The following OSBPL9 variants were observed in gnomAD, a reference collection of about 807,000 sequenced individuals.
OSBPL9 encodes the protein oxysterol binding protein like 9, also known as oxysterol-binding protein-related protein 9.
OSBPL9 carries 40 observed loss-of-function variants against 106.6 expected under a neutral mutation model. The observed-to-expected ratio is 0.38, with a 90% CI of 0.29 to 0.49. OSBPL9 has a LOEUF of 0.49. Ranked by LOEUF, OSBPL9 falls within the 20% of genes least tolerant of loss-of-function variation. OSBPL9 has a pLI of 0.97. For synonymous variants in OSBPL9, 269 were observed against 295.4 expected (o/e 0.91, Z 0.92); for missense variants, 609 against 887.2 (o/e 0.69, Z 3.98).
At chr1:51,698,697 G>T (rs923007657) in intron 3 of OSBPL9, among the ~76,000 whole-genome samples, 2 of 152,126 alleles carry the variant, frequency 1.3e-5, no homozygotes, top group Middle Eastern at 3.2e-3. Context: ...AAGGGAAGAG[G>T]AGTTAACTTT....
intron 3 of OSBPL9, among the ~76,000 whole-genome samples, chr1:51,679,862 T>C (rs1276711959): frequency 6.6e-6 from 1 of 152,212 alleles, no homozygotes; most frequent in Middle Eastern, 3.2e-3. Context: ...TATTATTAGT[T>C]GTTAATCTTA....
chr1:51,702,296 C>G (rs1458221980), intron 3 of OSBPL9, among the ~76,000 whole-genome samples: 1 of 152,190 alleles, frequency 6.6e-6, no homozygotes, highest in African/African-American at 2.4e-5. Flanking sequence ...TCTCCACATC[C>G]TCTCCAGCAC....
chr1:51,723,079 G>A (rs1227376949), intron 4 of OSBPL9, among the ~76,000 whole-genome samples: 1 of 152,206 alleles, frequency 6.6e-6, no homozygotes, highest in African/African-American at 2.4e-5. Context: ...CCCTACGCAT[G>A]TGCGGCCTCC....
chr1:51,626,207 G>A (rs976484886), intron 1 of OSBPL9, among the ~76,000 whole-genome samples: 11 of 152,250 alleles, frequency 7.2e-5, no homozygotes, highest in African/African-American at 2.6e-4. Context: ...CATTTGGTGG[G>A]AACACTCTCA....
intron 12 of OSBPL9, 83 bp downstream of exon 12, chr1:51,766,064 A>G (rs1672491323): frequency 3.0e-6 from 4 of 1,317,698 alleles, no homozygotes; most frequent in Non-Finnish European, 4.1e-6. Context: ...AGTGTTAATG[A>G]CAGACTTGCC....
intron 2 of OSBPL9, among the ~76,000 whole-genome samples, chr1:51,602,936 A>G (rs560223564): frequency 2.0e-5 from 3 of 152,344 alleles, no homozygotes; most frequent in African/African-American, 7.2e-5. Flanking sequence ...CAGGAGGATC[A>G]CTTGAGCTTA....
intron 1 of OSBPL9, among the ~76,000 whole-genome samples, chr1:51,579,445 G>A (rs1431330307): frequency 6.6e-6 from 1 of 152,154 alleles, no homozygotes; most frequent in African/African-American, 2.4e-5. Flanking sequence ...CATTAGAAAT[G>A]CTTATTTAGA....
chr1:51,745,455 T>C (rs1003815455), intron 4 of OSBPL9, 81 bp from the exon 5 acceptor site: 5 of 1,537,682 alleles, frequency 3.3e-6, no homozygotes, highest in Non-Finnish European at 4.4e-6. Context: ...AATGTCTTCA[T>C]GTATGAAGGG....
At chr1:51,656,737 A>G (rs995736211) in intron 2 of OSBPL9, among the ~76,000 whole-genome samples, 2 of 149,662 alleles carry the variant, frequency 1.3e-5, no homozygotes, top group African/African-American at 2.5e-5. Context: ...ATAGCTCACT[A>G]CATCCCCAAA....
chr1:51,659,913 C>G lies in OSBPL9; in HGVS notation c.162+7872C>G, dbSNP rs189975277. 2.7e-3 allele frequency among the ~76,000 whole-genome samples: 406 copies of G among 152,116 alleles called. 1 individual carries two copies. Among genetic ancestry groups the G allele is most frequent in the African/African-American group, 9.3e-3 (385 of 41,524 alleles). ...GAATAAGGAGTTGGTGGACTTGCCA[C>G]TCCAGATATTAAGTTTTTAACTGAA... On this transcript the variant is annotated intron_variant, in intron 2 of 23. Transcript: ENST00000428468.
At chr1:51,728,713 T>C (rs1663598864) in intron 4 of OSBPL9, among the ~76,000 whole-genome samples, 1 of 152,118 alleles carries the variant, frequency 6.6e-6, no homozygotes, top group African/African-American at 2.4e-5. Context: ...CTTTTTTTGT[T>C]GTTTTTGGGG....
At chr1:51,642,381 CTTAA>C (rs998927178) in intron 1 of OSBPL9, among the ~76,000 whole-genome samples, 23 of 152,054 alleles carry the variant, frequency 1.5e-4, no homozygotes, top group African/African-American at 5.6e-4. Flanking sequence ...TTGGCAGGCT[CTTAA>C]TTATTTATCT....
chr1:51,567,646 A>G, the OSBPL9 span: 1 of 152,244 alleles, frequency 6.6e-6, no homozygotes, highest in Non-Finnish European at 1.5e-5. Context: ...AACCTGTAAA[A>G]TGGAGATGAC....
At chr1:51,768,203 AG>A (rs1233284643) in intron 12 of OSBPL9, among the ~76,000 whole-genome samples, 1 of 151,736 alleles carries the variant, frequency 6.6e-6, no homozygotes, top group African/African-American at 2.4e-5. Context: ...GGCCTCCCAA[AG>A]TGCTGGGATT....
At chr1:51,731,309 G>T (rs1053241891) in intron 4 of OSBPL9, among the ~76,000 whole-genome samples, 2 of 151,980 alleles carry the variant, frequency 1.3e-5, no homozygotes, top group African/African-American at 4.8e-5. Context: ...TGAGCTGAGC[G>T]TGGTGGTGAT....
chr1:51,525,320 A>AGCCT, the OSBPL9 span, among the ~76,000 whole-genome samples: 1 of 152,210 alleles, frequency 6.6e-6, no homozygotes, highest in Non-Finnish European at 1.5e-5. Context: ...AGTGTGAGAG[A>AGCCT]GCCTGGTTCA....
the OSBPL9 span, among the ~76,000 whole-genome samples, chr1:51,531,103 G>T: frequency 6.6e-6 from 1 of 150,898 alleles, no homozygotes; most frequent in Admixed American, 6.6e-5. Context: ...ATGAAAACCT[G>T]CCTCTACTAT....
intron 1 of OSBPL9, among the ~76,000 whole-genome samples, chr1:51,650,043 T>C (rs1646418047): frequency 6.6e-6 from 1 of 151,874 alleles, no homozygotes. Flanking sequence ...ACCTAGCTAA[T>C]ATTTTGTATT....
At chr1:51,756,641 A>G in intron 9 of OSBPL9, 1 of 332,090 alleles carries the variant, frequency 3.0e-6, no homozygotes, top group Non-Finnish European at 5.6e-6. Flanking sequence ...TTACAATTAA[A>G]TAATGCATAA....
Sources: allele counts gnomAD v4.1 joint callset (sites outside exome capture counted in the v4.1 genomes callset), GRCh38; gene constraint gnomAD v4.1.1; transcripts MANE v1.5; gene names NCBI Gene and HGNC (gene_info 2026-07-23, HGNC 2026-07-21).